JAZF1: variants seen among roughly 807,000 people sequenced by gnomAD.
JAZF1 encodes the protein juxtaposed with another zinc finger protein 1.
A neutral mutation model predicts 26.4 loss-of-function variants in JAZF1; 8 were observed. That is an observed-to-expected ratio of 0.30 (90% CI 0.18 to 0.55). JAZF1 has a LOEUF of 0.55. Ranked by LOEUF, JAZF1 falls within the 20% of genes least tolerant of loss-of-function variation. The pLI, the probability that JAZF1 is intolerant of heterozygous loss-of-function variation, is 0.94. For missense variants in JAZF1, 199 were observed against 322.0 expected (o/e 0.62, Z 2.92); for synonymous variants, 126 against 122.3 (o/e 1.03, Z -0.20).
At chr7:28,000,622 C>CTTTTTTTTTTT (rs1190147547) in intron 1 of JAZF1, among the ~76,000 whole-genome samples, 2 of 62,072 alleles carry the variant, frequency 3.2e-5, no homozygotes, top group African/African-American at 8.2e-5. Flanking sequence ...TTCTTTCTTT[C>CTTTTTTTTTTT]TTTTTTTTTT....
At chr7:27,920,498 C>T (rs1045357654) in intron 2 of JAZF1, among the ~76,000 whole-genome samples, 2 of 152,176 alleles carry the variant, frequency 1.3e-5, no homozygotes, top group Admixed American at 6.5e-5. Context: ...GTCTATATGA[C>T]GATGTGTCAT....
At chr7:27,865,283 T>C (rs999638766) in intron 3 of JAZF1, among the ~76,000 whole-genome samples, 2 of 152,096 alleles carry the variant, frequency 1.3e-5, no homozygotes, top group Non-Finnish European at 2.9e-5. Context: ...GGTAGGAGGA[T>C]TGCTTGAGCC....
intron 1 of JAZF1, among the ~76,000 whole-genome samples, chr7:28,083,593 C>T (rs1366814514): frequency 1.3e-5 from 2 of 152,112 alleles, no homozygotes; most frequent in Non-Finnish European, 2.9e-5. Flanking sequence ...ATACACACAG[C>T]ATATGAAGTG....
chr7:28,001,707 C>T (rs979526210), intron 1 of JAZF1, among the ~76,000 whole-genome samples: 18 of 151,930 alleles, frequency 1.2e-4, no homozygotes, highest in African/African-American at 4.4e-4. Flanking sequence ...GCTTGCAATG[C>T]TTTCCAAGAG....
chr7:27,831,523 T>G lies in JAZF1; in HGVS notation c.*1277A>C, dbSNP rs925228450. 1.8e-5 allele frequency: 4 copies of G among 228,420 alleles called. No homozygotes were observed. Among genetic ancestry groups the G allele is most frequent in the Non-Finnish European group, 3.5e-5 (4 of 114,786 alleles). 14.1% of individuals were successfully genotyped at this position (228,420 alleles called of 1,614,324 possible). A position where few individuals can be genotyped will look rare whatever the true frequency, so the allele number is the denominator to read the frequency against. The stretch of plus-strand genomic sequence containing the variant: ...AAAAACTTAAGGAATGGTCCAGATG[T>G]AGATTACTCTAATAGGTCGTATTAG... On this transcript the variant is annotated 3_prime_UTR_variant, in exon 5 of 5. Coordinates refer to ENST00000283928, the MANE Select transcript of JAZF1 (RefSeq NM_175061.4).
chr7:28,059,950 C>G (rs1266475593), intron 1 of JAZF1, among the ~76,000 whole-genome samples: 3 of 152,118 alleles, frequency 2.0e-5, no homozygotes, highest in African/African-American at 7.2e-5. Context: ...AACATTTAGT[C>G]GTGTTTAATG....
At chr7:28,159,010 G>C (rs1271030088) in intron 1 of JAZF1, among the ~76,000 whole-genome samples, 3 of 152,158 alleles carry the variant, frequency 2.0e-5, no homozygotes, top group African/African-American at 7.2e-5. Flanking sequence ...ACTTGGCTTT[G>C]AGTCCCTGCC....
At chr7:27,839,103 C>G (rs1782873872) in intron 4 of JAZF1, among the ~76,000 whole-genome samples, 1 of 152,220 alleles carries the variant, frequency 6.6e-6, no homozygotes, top group South Asian at 2.1e-4. Flanking sequence ...GGGGATGGAG[C>G]TGGAGGTGGG....
At chr7:28,015,033 A>ATGTGTG (rs397804972) in intron 1 of JAZF1, among the ~76,000 whole-genome samples, 2,183 of 140,760 alleles carry the variant, frequency 0.016, 27 homozygotes, top group African/African-American at 0.031. Flanking sequence ...GAAAGTGTGT[A>ATGTGTG]TGTGTGTGTG....
chr7:28,112,117 C>T (rs1480704596), intron 1 of JAZF1, among the ~76,000 whole-genome samples: 1 of 152,130 alleles, frequency 6.6e-6, no homozygotes, highest in African/African-American at 2.4e-5. Flanking sequence ...TCGCCTCTCC[C>T]CTGCTGGTGA....
At chr7:28,061,110 T>C (rs528166891) in intron 1 of JAZF1, among the ~76,000 whole-genome samples, 265 of 152,368 alleles carry the variant, frequency 1.7e-3, no homozygotes, top group African/African-American at 6.1e-3. Flanking sequence ...GGAACAAGAA[T>C]AGTACTTGCC....
intron 1 of JAZF1, among the ~76,000 whole-genome samples, chr7:28,036,611 A>G (rs1356808500): frequency 6.6e-6 from 1 of 152,232 alleles, no homozygotes; most frequent in African/African-American, 2.4e-5. Context: ...GGGCTTCCTC[A>G]TGGCACACAG....
At chr7:27,887,474 G>A (rs1302578912) in intron 3 of JAZF1, among the ~76,000 whole-genome samples, 2 of 152,098 alleles carry the variant, frequency 1.3e-5, no homozygotes, top group African/African-American at 4.8e-5. Context: ...GGAGTGCAGT[G>A]GAGCAATCTT....
chr7:28,080,168 C>T (rs780666241), intron 1 of JAZF1, among the ~76,000 whole-genome samples: 35 of 152,312 alleles, frequency 2.3e-4, no homozygotes, highest in African/African-American at 7.7e-4. Context: ...TTTCACCTTA[C>T]GGAGATGGCT....
chr7:28,074,193 T>TA (rs1271276745), intron 1 of JAZF1, among the ~76,000 whole-genome samples: 3 of 152,156 alleles, frequency 2.0e-5, no homozygotes, highest in African/African-American at 7.2e-5. Flanking sequence ...CCAAATAAGT[T>TA]AAAAAAGTCA....
At chr7:28,027,986 C>T in intron 1 of JAZF1, among the ~76,000 whole-genome samples, 1 of 152,156 alleles carries the variant, frequency 6.6e-6, no homozygotes, top group East Asian at 1.9e-4. Context: ...CTATTACATT[C>T]TAAAACCCAG....
intron 1 of JAZF1, among the ~76,000 whole-genome samples, chr7:28,092,324 A>C (rs868200957): frequency 1.2e-4 from 16 of 135,314 alleles, no homozygotes; most frequent in South Asian, 4.8e-4. Flanking sequence ...AAAAAAAAAA[A>C]AACAACTAAT....
chr7:28,163,531 C>G (rs1308391238), intron 1 of JAZF1, among the ~76,000 whole-genome samples: 1 of 152,184 alleles, frequency 6.6e-6, no homozygotes, highest in Non-Finnish European at 1.5e-5. Context: ...AACACAAGTA[C>G]AGAAGACTGG....
intron 1 of JAZF1, among the ~76,000 whole-genome samples, chr7:28,108,287 T>C (rs2127931184): frequency 6.6e-6 from 1 of 152,302 alleles, no homozygotes; most frequent in Non-Finnish European, 1.5e-5. Context: ...CCTCTCTTCA[T>C]GCTTACCCTT....
Sources: allele counts gnomAD v4.1 joint callset (sites outside exome capture counted in the v4.1 genomes callset), GRCh38; gene constraint gnomAD v4.1.1; transcripts MANE v1.5; gene names NCBI Gene and HGNC (gene_info 2026-07-23, HGNC 2026-07-21).